HERPUD2: variants seen among roughly 807,000 people sequenced by gnomAD.
HERPUD2 encodes the protein homocysteine-responsive endoplasmic reticulum-resident ubiquitin-like domain member 2 protein.
In HERPUD2, 13 loss-of-function variants were observed where a neutral mutation model predicts 49.9. The observed-to-expected ratio is 0.26, with a 90% CI of 0.17 to 0.41. HERPUD2 has a LOEUF of 0.41. HERPUD2 is among the 10% of genes least tolerant of loss of function. HERPUD2 has a pLI of 1.00. For synonymous variants in HERPUD2, 172 were observed against 171.4 expected (o/e 1.00, Z -0.03); for missense variants, 449 against 492.2 (o/e 0.91, Z 0.83).
chr7:35,663,287 GTTCTT>G (rs954166124), intron 5 of HERPUD2, among the ~76,000 whole-genome samples: 3 of 152,130 alleles, frequency 2.0e-5, no homozygotes, highest in Non-Finnish European at 4.4e-5. Flanking sequence ...ATAATTTACT[GTTCTT>G]TTATTTGCTG....
chr7:35,653,031 AC>A (rs1239770607), intron 5 of HERPUD2, among the ~76,000 whole-genome samples: 3 of 152,226 alleles, frequency 2.0e-5, no homozygotes, highest in Non-Finnish European at 4.4e-5. Flanking sequence ...GAAATGCTAT[AC>A]AAAAACCAGA....
chr7:35,693,311 T>C (rs1786233147), intron 2 of HERPUD2, among the ~76,000 whole-genome samples: 1 of 152,232 alleles, frequency 6.6e-6, no homozygotes, highest in South Asian at 2.1e-4. Flanking sequence ...TGTCCATGTA[T>C]CCTCTACAGG....
intron 5 of HERPUD2, among the ~76,000 whole-genome samples, chr7:35,661,089 C>T (rs543831955): frequency 1.3e-5 from 2 of 152,264 alleles, no homozygotes; most frequent in Admixed American, 1.3e-4. Context: ...TTTCAGCTTT[C>T]TAGATATGGT....
At chr7:35,672,139 G>A (rs1250039317) in intron 3 of HERPUD2, among the ~76,000 whole-genome samples, 2 of 151,958 alleles carry the variant, frequency 1.3e-5, no homozygotes, top group African/African-American at 4.8e-5. Context: ...TGTAACAAAT[G>A]TACTACTTTG....
chr7:35,634,887 A>C (rs1236197126), intron 7 of HERPUD2, among the ~76,000 whole-genome samples: 1 of 152,270 alleles, frequency 6.6e-6, no homozygotes, highest in Non-Finnish European at 1.5e-5. Flanking sequence ...TAATGGATAG[A>C]GTATGTCTCA....
At chr7:35,673,307 A>C (rs1290316321) in intron 2 of HERPUD2, 29 bp from the exon 3 acceptor site, 19 of 1,537,362 alleles carry the variant, frequency 1.2e-5, no homozygotes, top group Non-Finnish European at 1.5e-5. Context: ...AAAAGAATTC[A>C]ACTTTTCTAA....
chr7:35,674,405 AGAGAGAGAGAGAGAGAG>A (rs1271120453), intron 2 of HERPUD2, among the ~76,000 whole-genome samples: 2 of 15,312 alleles, frequency 1.3e-4, no homozygotes. Flanking sequence ...ATATATATAT[AGAGAGAGAGAGAGAGAG>A]AGAGAGAGAG....
chr7:35,670,352 TA>T (rs3837111), intron 3 of HERPUD2, 24 bp from the exon 4 acceptor site: 68,337 of 1,138,232 alleles, frequency 0.06, 3,304 homozygotes, highest in South Asian at 0.19. Flanking sequence ...AGATTACATT[TA>T]AAGGGTAGTA....
At chr7:35,694,051 C>G in intron 2 of HERPUD2, 133 bp downstream of exon 2, 1 of 864,188 alleles carries the variant, frequency 1.2e-6, no homozygotes, top group South Asian at 1.5e-5. Flanking sequence ...AACCTCAGAA[C>G]TCAAAATACC....
chr7:35,687,723 T>G (rs1786095186), intron 2 of HERPUD2, among the ~76,000 whole-genome samples: 1 of 152,226 alleles, frequency 6.6e-6, no homozygotes. Context: ...TGTCTGACCC[T>G]TTAATGTTTA....
At chr7:35,669,179 G>C (rs73340335) in intron 4 of HERPUD2, among the ~76,000 whole-genome samples, 4,372 of 152,198 alleles carry the variant, frequency 0.029, 186 homozygotes, top group African/African-American at 0.097. Flanking sequence ...GCCTTTCCAT[G>C]CCAAGGCAGG....
chr7:35,658,629 T>C (rs1020244137), intron 5 of HERPUD2, among the ~76,000 whole-genome samples: 23 of 152,034 alleles, frequency 1.5e-4, no homozygotes, highest in African/African-American at 5.1e-4. Context: ...ACAGACAATA[T>C]AGATGGGTAC....
At chr7:35,687,654 T>C (rs562658563) in intron 2 of HERPUD2, among the ~76,000 whole-genome samples, 4 of 152,214 alleles carry the variant, frequency 2.6e-5, no homozygotes, top group Non-Finnish European at 4.4e-5. Context: ...TTAAAATAAG[T>C]CCTAACCTGG....
At chr7:35,643,737 A>G (rs951518338) in intron 5 of HERPUD2, among the ~76,000 whole-genome samples, 24 of 151,548 alleles carry the variant, frequency 1.6e-4, no homozygotes, top group African/African-American at 5.1e-4. Flanking sequence ...AAATGAAAAT[A>G]AGCCTCTCTG....
At chr7:35,640,268 T>TC (rs938496248) in intron 5 of HERPUD2, among the ~76,000 whole-genome samples, 1 of 152,188 alleles carries the variant, frequency 6.6e-6, no homozygotes, top group African/African-American at 2.4e-5. Flanking sequence ...TATTAGTATT[T>TC]CCCATTATGA....
chr7:35,653,459 T>C (rs1471200532), intron 5 of HERPUD2, among the ~76,000 whole-genome samples: 2 of 152,122 alleles, frequency 1.3e-5, no homozygotes, highest in Non-Finnish European at 1.5e-5. Flanking sequence ...AGGGACAGAA[T>C]CCAATACAAT....
intron 6 of HERPUD2, among the ~76,000 whole-genome samples, chr7:35,636,564 C>T (rs1365266102): frequency 7.2e-5 from 11 of 152,308 alleles, no homozygotes; most frequent in Admixed American, 1.3e-4. Flanking sequence ...ACAAACGAGA[C>T]AAGGTGGGGT....
At chr7:35,667,321 G>T (rs1467265096) in intron 5 of HERPUD2, 113 bp downstream of exon 5, 2 of 962,880 alleles carry the variant, frequency 2.1e-6, no homozygotes, top group East Asian at 4.9e-5. Flanking sequence ...TCAAATATAT[G>T]AATAAATTTA....
intron 2 of HERPUD2, among the ~76,000 whole-genome samples, chr7:35,682,808 C>G (rs1007277289): frequency 7.2e-4 from 107 of 148,502 alleles, no homozygotes; most frequent in African/African-American, 2.5e-3. Flanking sequence ...AGAACTCAAC[C>G]CCTTTTACAA....
Sources: allele counts gnomAD v4.1 joint callset (sites outside exome capture counted in the v4.1 genomes callset), GRCh38; gene constraint gnomAD v4.1.1; transcripts MANE v1.5; gene names NCBI Gene and HGNC (gene_info 2026-07-23, HGNC 2026-07-21).